CEP112: variants seen among roughly 807,000 people sequenced by gnomAD.
CEP112 encodes the protein centrosomal protein 112.
Under a neutral mutation model 153.0 loss-of-function variants are expected in CEP112, and 127 were observed. That is an observed-to-expected ratio of 0.83 (90% CI 0.72 to 0.96). The LOEUF (loss-of-function observed/expected upper bound fraction) is 0.96, where lower values mean the gene tolerates loss of function less well. Ranked by LOEUF, CEP112 falls within the 40% of genes least tolerant of loss-of-function variation. The probability of loss-of-function intolerance (pLI) is 0.00; values close to 1 mark genes in which losing one functional copy is unlikely to be tolerated. For synonymous variants in CEP112, 358 were observed against 374.4 expected (o/e 0.96, Z 0.51); for missense variants, 1,089 against 1,101.2 (o/e 0.99, Z 0.16).
intron 17 of CEP112, among the ~76,000 whole-genome samples, chr17:66,000,786 T>G (rs1173484023): frequency 6.6e-6 from 1 of 152,196 alleles, no homozygotes; most frequent in Non-Finnish European, 1.5e-5. Flanking sequence ...CCTGAACATG[T>G]CATTGGTGCA....
At chr17:65,656,692 A>G (rs2046080246) in intron 24 of CEP112, among the ~76,000 whole-genome samples, 1 of 152,182 alleles carries the variant, frequency 6.6e-6, no homozygotes, top group South Asian at 2.1e-4. Flanking sequence ...CCCTTTATAG[A>G]AAGTTGGCTG....
At chr17:65,756,653 T>C (rs1438587852) in intron 21 of CEP112, among the ~76,000 whole-genome samples, 1 of 151,954 alleles carries the variant, frequency 6.6e-6, no homozygotes, top group Admixed American at 6.6e-5. Context: ...AGGAGAGGCA[T>C]TGGAATTTGT....
At chr17:65,897,975 T>C (rs562744222) in intron 20 of CEP112, among the ~76,000 whole-genome samples, 1 of 152,234 alleles carries the variant, frequency 6.6e-6, no homozygotes, top group Non-Finnish European at 1.5e-5. Flanking sequence ...ACAGCAAAGT[T>C]TCCCTCTTTG....
chr17:65,786,572 C>CTTTTTTTTTTTT (rs1195368604), intron 21 of CEP112, among the ~76,000 whole-genome samples: 46 of 101,588 alleles, frequency 4.5e-4, no homozygotes, highest in East Asian at 5.8e-4. Flanking sequence ...TTAGCCAATT[C>CTTTTTTTTTTTT]TTTTTTTTTT....
chr17:65,851,703 G>A, intron 21 of CEP112, 101 bp downstream of exon 21: 1 of 809,326 alleles, frequency 1.2e-6, no homozygotes, highest in Non-Finnish European at 2.0e-6. Context: ...AAAGAGTAAT[G>A]CCATGTCTAC....
intron 20 of CEP112, among the ~76,000 whole-genome samples, chr17:65,879,487 T>C (rs574432496): frequency 2.5e-4 from 38 of 152,338 alleles, no homozygotes; most frequent in African/African-American, 8.9e-4. Context: ...GTACAAAGCT[T>C]GTGGTAATTT....
intron 17 of CEP112, among the ~76,000 whole-genome samples, chr17:65,972,854 C>T (rs1403585478): frequency 1.3e-5 from 2 of 152,234 alleles, no homozygotes; most frequent in Non-Finnish European, 2.9e-5. Context: ...CAACCTCCAC[C>T]TCCTTGGTTC....
In CEP112 at chr17:66,148,510, T is replaced by C. The variant is rs185606726; in HGVS notation, c.471-15747A>G. 2.0e-4 allele frequency among the ~76,000 whole-genome samples: 31 copies of C among 152,330 alleles called. No individual in the cohort carries two copies. In the East Asian group the frequency reaches 4.8e-3, roughly 24 times the overall value. On this transcript the variant is annotated intron_variant, in intron 4 of 26. Transcript: ENST00000535342. ...ATGAATACAGGATGTTTTTCATTCA[T>C]TGGTGTCTTTTTAGATTCTTTCATC...
chr17:66,187,919 C>A (rs11868714), intron 1 of CEP112, among the ~76,000 whole-genome samples: 5,189 of 152,150 alleles, frequency 0.034, 131 homozygotes, highest in Middle Eastern at 0.061. Flanking sequence ...CTTCATCTCC[C>A]AAGCTAGAAG....
intron 4 of CEP112, among the ~76,000 whole-genome samples, chr17:66,141,689 T>C (rs571267551): frequency 6.6e-6 from 1 of 152,182 alleles, no homozygotes; most frequent in African/African-American, 2.4e-5. Flanking sequence ...TCCAGCTTCA[T>C]CTATCTTGTC....
chr17:66,039,246 C>T (rs1021231317), intron 12 of CEP112, among the ~76,000 whole-genome samples: 2 of 152,094 alleles, frequency 1.3e-5, no homozygotes, highest in Admixed American at 1.3e-4. Context: ...CGTACAACAT[C>T]TACTGACATA....
intron 18 of CEP112, among the ~76,000 whole-genome samples, chr17:65,951,519 AG>A (rs1339901229): frequency 6.6e-6 from 1 of 152,068 alleles, no homozygotes; most frequent in African/African-American, 2.4e-5. Flanking sequence ...CAAAGTTTTT[AG>A]TAATATCACT....
At chr17:65,993,420 G>GT (rs2145282091) in intron 17 of CEP112, among the ~76,000 whole-genome samples, 1 of 152,172 alleles carries the variant, frequency 6.6e-6, no homozygotes, top group South Asian at 2.1e-4. Flanking sequence ...ATGTATCTTT[G>GT]TAATAGAATG....
At chr17:65,827,362 T>C (rs1261478443) in intron 21 of CEP112, among the ~76,000 whole-genome samples, 1 of 152,180 alleles carries the variant, frequency 6.6e-6, no homozygotes, top group Non-Finnish European at 1.5e-5. Context: ...ACGAAGCTTA[T>C]CTATGGCTTA....
intron 17 of CEP112, among the ~76,000 whole-genome samples, chr17:65,998,766 T>C (rs1452887193): frequency 6.6e-6 from 1 of 152,130 alleles, no homozygotes; most frequent in African/African-American, 2.4e-5. Flanking sequence ...GAACATCTTA[T>C]TATCTTATTA....
chr17:65,836,873 C>T (rs1045187370), intron 21 of CEP112, among the ~76,000 whole-genome samples: 4 of 148,182 alleles, frequency 2.7e-5, no homozygotes, highest in East Asian at 2.2e-4. Flanking sequence ...GACTGTACTG[C>T]CGCCATCTCG....
chr17:65,784,291 G>A (rs916260246), intron 21 of CEP112, among the ~76,000 whole-genome samples: 1 of 152,216 alleles, frequency 6.6e-6, no homozygotes, highest in Non-Finnish European at 1.5e-5. Flanking sequence ...CTTTACTACA[G>A]CTGAGCTTAT....
intron 4 of CEP112, among the ~76,000 whole-genome samples, chr17:66,143,548 A>G (rs2070793377): frequency 6.6e-6 from 1 of 152,220 alleles, no homozygotes; most frequent in African/African-American, 2.4e-5. Flanking sequence ...CAAAACAGAG[A>G]AAGTCTGTCT....
In CEP112 at chr17:65,851,900, A is replaced by G. The variant is rs1349992836; in HGVS notation, c.2298T>C (p.His766=). The change falls in exon 21 of 27, where the codon CAT becomes CAC. Residue 766 remains histidine, a synonymous_variant. Coordinates refer to ENST00000535342, the MANE Select transcript of CEP112 (RefSeq NM_001199165.4). ...EEEKQRATRE[H]EIVVNKLKAE... The stretch of plus-strand genomic sequence containing the variant: ...CCTTCAGTTTATTGACGACAATCTC[A>G]TGTTCCCTTGTAGCCCTTTGCTTTT... 1.9e-6 allele frequency: 3 copies of G among 1,611,918 alleles called. No homozygotes were observed. The highest frequency in any genetic ancestry group is 2.2e-5 in the East Asian group (1 of 44,844).
Sources: allele counts gnomAD v4.1 joint callset (sites outside exome capture counted in the v4.1 genomes callset), GRCh38; gene constraint gnomAD v4.1.1; transcripts MANE v1.5; gene names NCBI Gene and HGNC (gene_info 2026-07-23, HGNC 2026-07-21).